IDE: variants seen among roughly 807,000 people sequenced by gnomAD.
IDE encodes the protein insulin-degrading enzyme.
Under a neutral mutation model 133.2 loss-of-function variants are expected in IDE, and 58 were observed. The ratio of observed to expected loss-of-function variants is 0.44; its 90% CI spans 0.35 to 0.54. The LOEUF is 0.54. Among genes scored for constraint, IDE ranks in the 20% least tolerant of loss-of-function variants. IDE has a pLI of 0.00. For synonymous variants in IDE, 396 were observed against 421.3 expected, an observed-to-expected ratio of 0.94 and a Z score of 0.73; for missense variants, 981 against 1,234.0, an observed-to-expected ratio of 0.79 and a Z score of 3.07.
intron 1 of IDE, chr10:92,541,284 G>A (rs956399520): frequency 6.4e-6 from 3 of 469,832 alleles, no homozygotes; most frequent in Admixed American, 4.7e-5. Context: ...TTCCTACAAC[G>A]ATTTGATTCT....
intron 13 of IDE, among the ~76,000 whole-genome samples, chr10:92,485,837 G>A (rs1846959033): frequency 6.6e-6 from 1 of 152,076 alleles, no homozygotes; most frequent in Admixed American, 6.6e-5. Context: ...AGCTACTTAG[G>A]AGGCTGAGGC....
intron 1 of IDE, among the ~76,000 whole-genome samples, chr10:92,547,573 T>C (rs1842585788): frequency 6.6e-6 from 1 of 152,230 alleles, no homozygotes; most frequent in Non-Finnish European, 1.5e-5. Flanking sequence ...GAGCATCTAC[T>C]TTGAGCATCA....
rs1231439552 is a variant in IDE, at chr10:92,534,645, T to C, written c.424A>G (p.Thr142Ala). The C allele has an allele frequency of 1.2e-6, 2 of 1,613,920 alleles. No individual in the cohort carries two copies. The highest frequency in any genetic ancestry group is 1.7e-6 in the Non-Finnish European group (2 of 1,179,864). The change falls in exon 3 of 25, where the codon ACT (threonine) becomes GCT (alanine). Residue 142 changes from threonine (T) to alanine (A), a missense_variant. Physicochemically the swap from Thr to Ala is moderately conservative, Grantham distance 58. This residue lies in a region of IDE where 321 missense variants were observed against 339.3 expected (regional missense o/e 0.95). Transcript: ENST00000265986. The part of the protein sequence containing the change: ...SEHAGSSNAF[T>A]SGEHTNYYFD... ...TAGTAATTGGTATGCTCTCCACTAGTAAAGGCATTTGAACTTCCTGCATGC... is the reference window on the plus strand; with the variant it reads ...TAGTAATTGGTATGCTCTCCACTAGCAAAGGCATTTGAACTTCCTGCATGC...
intron 1 of IDE, among the ~76,000 whole-genome samples, chr10:92,551,566 C>CAAA (rs1232265058): frequency 2.3e-4 from 15 of 66,604 alleles, no homozygotes; most frequent in South Asian, 5.2e-4. Flanking sequence ...GACTCCATCT[C>CAAA]AAAAAAAAAA....
intron 21 of IDE, among the ~76,000 whole-genome samples, chr10:92,462,536 G>C (rs1845449141): frequency 6.6e-6 from 1 of 152,058 alleles, no homozygotes; most frequent in African/African-American, 2.4e-5. Context: ...AACCCGGGAG[G>C]TGGAGGTTGC....
chr10:92,513,402 G>A (rs139629290), intron 5 of IDE, among the ~76,000 whole-genome samples: 5,404 of 152,142 alleles, frequency 0.036, 366 homozygotes, highest in African/African-American at 0.12. Context: ...CATGTTGGCT[G>A]GGCTGGTCTC....
rs766004921 is a variant in IDE, at chr10:92,490,599, G to C, written c.1431-4C>G. ...AGATTTAGAAACTATGGCAACCCTA[G>C]AGATAGAAAAAACAAACAAAAAAAC... On this transcript the variant is annotated splice_region_variant and splice_polypyrimidine_tract_variant and intron_variant, in intron 11 of 24. Transcript: ENST00000265986. 1 of 1,580,208 alleles carries C rather than the reference G, an allele frequency of 6.3e-7. No individual in the cohort carries two copies. The highest frequency in any genetic ancestry group is 1.1e-5 in the South Asian group (1 of 89,508).
chr10:92,471,596 C>G (rs1441972726), intron 17 of IDE, among the ~76,000 whole-genome samples: 1 of 152,148 alleles, frequency 6.6e-6, no homozygotes, highest in African/African-American at 2.4e-5. Flanking sequence ...CTGCAGCTTT[C>G]CACCACAATA....
At chr10:92,564,493 G>A (rs1357090248) in intron 1 of IDE, among the ~76,000 whole-genome samples, 2 of 151,234 alleles carry the variant, frequency 1.3e-5, no homozygotes, top group South Asian at 2.1e-4. Flanking sequence ...CCAACATGAC[G>A]AAACCCTGTC....
At chr10:92,550,663 A>C (rs1842738197) in intron 1 of IDE, among the ~76,000 whole-genome samples, 1 of 150,794 alleles carries the variant, frequency 6.6e-6, no homozygotes, top group African/African-American at 2.4e-5. Flanking sequence ...AAAAAAAAAA[A>C]AAAAAAAAAA....
At chr10:92,517,097 G>A (rs1848967996) in intron 4 of IDE, among the ~76,000 whole-genome samples, 1 of 152,160 alleles carries the variant, frequency 6.6e-6, no homozygotes, top group Non-Finnish European at 1.5e-5. Flanking sequence ...TGTTCTTGAA[G>A]TGGTTTAATT....
intron 17 of IDE, among the ~76,000 whole-genome samples, chr10:92,471,409 T>C (rs1233802755): frequency 1.3e-5 from 2 of 152,222 alleles, no homozygotes; most frequent in Non-Finnish European, 2.9e-5. Flanking sequence ...GCTACTATTA[T>C]CCCCACTTTA....
chr10:92,521,956 G>A (rs1334270111), intron 4 of IDE, among the ~76,000 whole-genome samples: 4 of 151,966 alleles, frequency 2.6e-5, no homozygotes, highest in African/African-American at 4.8e-5. Context: ...ATACAAAAGG[G>A]TGAATGGAAA....
At chr10:92,486,551 A>C in intron 13 of IDE, among the ~76,000 whole-genome samples, 1 of 151,854 alleles carries the variant, frequency 6.6e-6, no homozygotes, top group South Asian at 2.1e-4. Flanking sequence ...ACAGTTTAGA[A>C]GGGAGAAGAA....
At chr10:92,561,613 T>C (rs935251211) in intron 1 of IDE, among the ~76,000 whole-genome samples, 1 of 148,612 alleles carries the variant, frequency 6.7e-6, no homozygotes, top group African/African-American at 2.5e-5. Context: ...AAAAAAAAAA[T>C]TAGCTGGGCG....
At chr10:92,460,436 G>C (rs924122720) in intron 22 of IDE, among the ~76,000 whole-genome samples, 2 of 152,160 alleles carry the variant, frequency 1.3e-5, no homozygotes, top group Non-Finnish European at 2.9e-5. Flanking sequence ...GGAGAACAGA[G>C]AGAAGAAACT....
intron 1 of IDE, among the ~76,000 whole-genome samples, chr10:92,568,693 G>A (rs1370726852): frequency 3.9e-5 from 6 of 152,098 alleles, no homozygotes; most frequent in African/African-American, 1.4e-4. Context: ...GCACGCGCCT[G>A]TAGTCCCAGC....
chr10:92,470,744 G>A (rs534868279), intron 17 of IDE, among the ~76,000 whole-genome samples: 1 of 152,054 alleles, frequency 6.6e-6, no homozygotes, highest in African/African-American at 2.4e-5. Flanking sequence ...CCCACATTTG[G>A]GTTTGTCTGG....
intron 1 of IDE, among the ~76,000 whole-genome samples, chr10:92,550,923 T>C (rs1005187350): frequency 6.6e-6 from 1 of 152,090 alleles, no homozygotes; most frequent in Admixed American, 6.5e-5. Flanking sequence ...GGTGAGGATG[T>C]AGAAAAACTG....
Sources: allele counts gnomAD v4.1 joint callset (sites outside exome capture counted in the v4.1 genomes callset), GRCh38; gene constraint gnomAD v4.1.1; regional missense constraint gnomAD v4.1.1; transcripts MANE v1.5; gene names NCBI Gene and HGNC (gene_info 2026-07-23, HGNC 2026-07-21).